The following KCTD20 variants were observed in gnomAD, a reference collection of about 807,000 sequenced individuals.
KCTD20 encodes BTB/POZ domain-containing protein KCTD20.
Under a neutral mutation model 39.6 loss-of-function variants are expected in KCTD20, and 30 were observed. The ratio of observed to expected loss-of-function variants is 0.76; its 90% CI spans 0.57 to 1.03. The LOEUF is 1.03. Ranked by LOEUF, KCTD20 falls within the 50% of genes least tolerant of loss-of-function variation. KCTD20 has a pLI of 0.00. For synonymous variants in KCTD20, 162 were observed against 180.6 expected (o/e 0.90, Z 0.83); for missense variants, 422 against 522.0 (o/e 0.81, Z 1.87).
intron 1 of KCTD20, among the ~76,000 whole-genome samples, chr6:36,450,016 T>C (rs564955238): frequency 2.0e-5 from 3 of 151,802 alleles, no homozygotes; most frequent in Non-Finnish European, 4.4e-5. Context: ...TATAAAAAAT[T>C]AGCTGGGCGT....
intron 1 of KCTD20, among the ~76,000 whole-genome samples, chr6:36,449,165 CTTAT>C (rs761396927): frequency 2.0e-5 from 3 of 152,198 alleles, no homozygotes; most frequent in East Asian, 3.8e-4. Flanking sequence ...CATTTAGTCC[CTTAT>C]TTGGCCCTGT....
rs1775840866 is a variant in KCTD20 at position 36,469,130 on chromosome 6, T to C, written c.-46-922T>C. Among the ~76,000 whole-genome samples, 3 of 152,252 alleles carry C rather than the reference T, an allele frequency of 2.0e-5. No homozygotes were observed. The highest frequency in any genetic ancestry group is 4.8e-5 in the African/African-American group (2 of 41,470). Reference sequence around the variant, plus strand: ...AGTGAGCTTCCTGTTTCCTAAAATATTAAGCATGTAATCCATATGCATACA... The same window carrying C: ...AGTGAGCTTCCTGTTTCCTAAAATACTAAGCATGTAATCCATATGCATACA... On this transcript the variant is annotated intron_variant, in intron 1 of 7. Coordinates refer to ENST00000373731, the MANE Select transcript of KCTD20 (RefSeq NM_173562.5). This position sits in a 1 kb window ranked among gnomAD's most constrained non-coding sequence, Gnocchi z 4.6.
At chr6:36,478,969 G>A (rs1479694900) in intron 3 of KCTD20, 152 bp from the exon 4 acceptor site, 2 of 565,550 alleles carry the variant, frequency 3.5e-6, no homozygotes, top group East Asian at 3.0e-5. Flanking sequence ...GACTTGAGGT[G>A]TCTTGTAGGC....
chr6:36,485,997 TG>T (rs755893164), intron 7 of KCTD20, among the ~76,000 whole-genome samples: 8 of 152,122 alleles, frequency 5.3e-5, no homozygotes, highest in Non-Finnish European at 1.2e-4. Flanking sequence ...CTTACCTTCC[TG>T]GGCTCAAGTG....
intron 3 of KCTD20, among the ~76,000 whole-genome samples, chr6:36,476,512 C>T (rs775980993): frequency 6.6e-6 from 1 of 151,422 alleles, no homozygotes; most frequent in Non-Finnish European, 1.5e-5. Flanking sequence ...TCACTGCAAC[C>T]TCCACCTCCC....
Position 36,479,149 on chromosome 6 carries a change from T to C in KCTD20, c.463T>C (p.Phe155Leu), listed in dbSNP as rs757951459. ...GTTTGGACCAGGAAGAGAGTACAAC[T>C]TCACTCGGCCCAATGAGAAGGGAGA... ...RMFGPGREYNFTRPNEKGEYE... is the reference protein window; with the variant it reads ...RMFGPGREYNLTRPNEKGEYE... Residue 155 changes from phenylalanine (F) to leucine (L), a missense_variant, in exon 4 of 8, where the codon TTC becomes CTC. Coordinates refer to ENST00000373731, the MANE Select transcript of KCTD20 (RefSeq NM_173562.5). 1.2e-6 allele frequency: 2 copies of C among 1,613,674 alleles called. No homozygotes were observed. The highest frequency in any genetic ancestry group is 1.7e-6 in the Non-Finnish European group (2 of 1,179,612).
At chr6:36,477,273 C>T (rs1644907478) in intron 3 of KCTD20, among the ~76,000 whole-genome samples, 1 of 152,150 alleles carries the variant, frequency 6.6e-6, no homozygotes, top group Non-Finnish European at 1.5e-5. Flanking sequence ...AAATAAATAA[C>T]TCTGAGCTGA....
At chr6:36,458,557 A>G (rs191055432) in intron 1 of KCTD20, among the ~76,000 whole-genome samples, 2,054 of 150,510 alleles carry the variant, frequency 0.014, 43 homozygotes, top group African/African-American at 0.044. Context: ...AAAAAAAAAA[A>G]AAAGAAAAGA....
At chr6:36,450,113 G>A (rs573042519) in intron 1 of KCTD20, among the ~76,000 whole-genome samples, 12 of 143,540 alleles carry the variant, frequency 8.4e-5, no homozygotes, top group East Asian at 2.2e-4. Context: ...GCAGTGAGCC[G>A]AGATTGCGCC....
chr6:36,454,153 C>T (rs891093767), intron 1 of KCTD20, among the ~76,000 whole-genome samples: 2 of 152,182 alleles, frequency 1.3e-5, no homozygotes, highest in Non-Finnish European at 2.9e-5. Context: ...CAATTGGGTG[C>T]AAATTTGGTT....
chr6:36,452,876 C>A (rs1437218057), intron 1 of KCTD20, among the ~76,000 whole-genome samples: 1 of 151,454 alleles, frequency 6.6e-6, no homozygotes, highest in Non-Finnish European at 1.5e-5. Context: ...AGAGAATTCA[C>A]ATAACATACA....
At chr6:36,482,180 T>C (rs1776270713) in intron 6 of KCTD20, among the ~76,000 whole-genome samples, 1 of 152,238 alleles carries the variant, frequency 6.6e-6, no homozygotes, top group African/African-American at 2.4e-5. Context: ...TGTACATATA[T>C]AACCAATTAC....
chr6:36,486,625 T>G (rs1776431473), intron 7 of KCTD20, among the ~76,000 whole-genome samples: 1 of 152,242 alleles, frequency 6.6e-6, no homozygotes, highest in Non-Finnish European at 1.5e-5. Flanking sequence ...TTCTCTCCTC[T>G]TTCCATTAGA....
At chr6:36,453,692 T>C (rs916990584) in intron 1 of KCTD20, among the ~76,000 whole-genome samples, 2 of 152,048 alleles carry the variant, frequency 1.3e-5, no homozygotes, top group Non-Finnish European at 2.9e-5. Context: ...TTTGTATTTT[T>C]AGTAGAGACG....
intron 7 of KCTD20, among the ~76,000 whole-genome samples, chr6:36,486,193 C>T (rs1228425798): frequency 1.3e-5 from 2 of 152,178 alleles, no homozygotes; most frequent in Non-Finnish European, 2.9e-5. Flanking sequence ...CAGGTGTGAG[C>T]GACAGTGTCC....
At position 36,488,909 on chromosome 6, in the gene KCTD20, T is replaced by TC. The variant is rs1038485319; in HGVS notation, c.*1739dup. 2 of 152,664 alleles carry TC rather than the reference T, an allele frequency of 1.3e-5. No individual in the cohort carries two copies. Among genetic ancestry groups the TC allele is most frequent in the African/African-American group, 4.8e-5 (2 of 41,452 alleles). 9.5% of individuals were successfully genotyped at this position (152,664 alleles called of 1,614,324 possible). On this transcript the variant is annotated 3_prime_UTR_variant, in exon 8 of 8. Transcript: ENST00000373731. The stretch of plus-strand genomic sequence containing the variant: ...TGTAGTAAGTGGTTAAACTGAGCTA[T>TC]CCCCCACCTGATGACTATTGGCATC...
chr6:36,453,671 C>T (rs1218951967), intron 1 of KCTD20, among the ~76,000 whole-genome samples: 2 of 151,976 alleles, frequency 1.3e-5, no homozygotes, highest in East Asian at 1.9e-4. Context: ...TGCACCACCA[C>T]ACCTGCCAAT....
In KCTD20 at chr6:36,469,359, C is replaced by G. The variant is rs1570368; in HGVS notation, c.-46-693C>G. The stretch of plus-strand genomic sequence containing the variant: ...CTGCTGTGGCATCTCCATCCTGCCT[C>G]ATCACTGGGGGTCTTGCACGTGGCA... On this transcript the variant is annotated intron_variant, in intron 1 of 7. Transcript: ENST00000373731. This position sits in a 1 kb window ranked among gnomAD's most constrained non-coding sequence, Gnocchi z 4.6. 0.38 allele frequency among the ~76,000 whole-genome samples: 58,220 copies of G among 151,986 alleles called. 12,265 individuals carry two copies. Among genetic ancestry groups the G allele is most frequent in the East Asian group, 0.54 (2,789 of 5,166 alleles).
intron 1 of KCTD20, among the ~76,000 whole-genome samples, chr6:36,446,957 TATAG>T (rs978949508): frequency 2.6e-4 from 40 of 152,224 alleles, no homozygotes; most frequent in African/African-American, 8.0e-4. Context: ...ATCTCCATTC[TATAG>T]ATAAAGACTC....
Sources: gnomAD v4.1 joint callset for allele counts (sites outside exome capture counted in the v4.1 genomes callset) on GRCh38, gnomAD v4.1.1 for gene constraint, Gnocchi (gnomAD v3.1) non-coding constraint, MANE v1.5 for transcripts, NCBI Gene and HGNC (gene_info 2026-07-23, HGNC 2026-07-21) for gene names.